SMARCC1: variants seen among roughly 807,000 people sequenced by gnomAD.
The protein encoded by SMARCC1 is SWI/SNF related BAF chromatin remodeling complex subunit C1, also known as SWI/SNF complex subunit SMARCC1.
In SMARCC1, 43 loss-of-function variants were observed where a neutral mutation model predicts 147.4. The observed-to-expected ratio is 0.29, with a 90% confidence interval of 0.23 to 0.38. SMARCC1 has a LOEUF of 0.38. SMARCC1 is among the 10% of genes least tolerant of loss of function. The pLI, the probability that SMARCC1 is intolerant of heterozygous loss-of-function variation, is 1.00. For synonymous variants in SMARCC1, 495 were observed against 484.4 expected, an observed-to-expected ratio of 1.02 and a Z score of -0.29; for missense variants, 1,119 against 1,381.1, an observed-to-expected ratio of 0.81 and a Z score of 3.01.
chr3:47,706,388 GAATCATGT>G lies in SMARCC1; in HGVS notation c.1040+13_1040+20del, dbSNP rs1403316239. 1 of 1,514,672 alleles carries G rather than the reference GAATCATGT, an allele frequency of 6.6e-7. No homozygotes were observed. Among genetic ancestry groups the G allele is most frequent in the African/African-American group, 1.4e-5 (1 of 69,616 alleles). The allele number at this position is 1,514,672 out of a possible 1,614,324, so 93.8% of individuals were successfully genotyped here. A position where few individuals can be genotyped will look rare whatever the true frequency, so the allele number is the denominator to read the frequency against. On this transcript the variant is annotated intron_variant, in intron 10 of 27. Transcript: ENST00000254480. ...CGTCCGGCCTGTTTTAATGCCCTTT[GAATCATGT>G]AATAGTTCTTACCCTTTCTTCCCAC...
At chr3:47,643,587 A>C (rs2033080724) in intron 21 of SMARCC1, among the ~76,000 whole-genome samples, 1 of 152,212 alleles carries the variant, frequency 6.6e-6, no homozygotes, top group Non-Finnish European at 1.5e-5. Context: ...CCAAGAAAAA[A>C]ATAAAGTCTG....
chr3:47,669,592 T>C (rs576133407), intron 19 of SMARCC1, among the ~76,000 whole-genome samples: 6 of 152,122 alleles, frequency 3.9e-5, no homozygotes, highest in African/African-American at 7.2e-5. Context: ...TCTCTGCGTA[T>C]CACTGATACT....
chr3:47,772,352 C>T (rs2034924635), intron 2 of SMARCC1, among the ~76,000 whole-genome samples: 1 of 152,138 alleles, frequency 6.6e-6, no homozygotes, highest in Non-Finnish European at 1.5e-5. Flanking sequence ...GTGATCAAAC[C>T]ACTGCACTCC....
At chr3:47,730,073 A>G (rs1489051162) in intron 5 of SMARCC1, among the ~76,000 whole-genome samples, 3 of 152,134 alleles carry the variant, frequency 2.0e-5, no homozygotes, top group Admixed American at 2.0e-4. Flanking sequence ...CAGCTATTCA[A>G]GAGGCTGAGG....
chr3:47,668,056 T>C (rs149402648), intron 19 of SMARCC1, among the ~76,000 whole-genome samples: 25 of 152,154 alleles, frequency 1.6e-4, no homozygotes, highest in Non-Finnish European at 3.5e-4. Flanking sequence ...GATACGCATG[T>C]ACATATATAT....
At chr3:47,684,131 T>C (rs1576410699) in intron 14 of SMARCC1, among the ~76,000 whole-genome samples, 1 of 150,736 alleles carries the variant, frequency 6.6e-6, no homozygotes, top group Admixed American at 6.6e-5. Context: ...TCCCAGCTAC[T>C]TGGGAGGCTG....
chr3:47,727,225 C>A (rs1432485906), intron 6 of SMARCC1, among the ~76,000 whole-genome samples: 3 of 149,682 alleles, frequency 2.0e-5, no homozygotes, highest in African/African-American at 7.4e-5. Context: ...AACAAAAAAA[C>A]TGGCCGGGCA....
intron 24 of SMARCC1, among the ~76,000 whole-genome samples, chr3:47,633,465 C>T (rs963404036): frequency 1.3e-5 from 2 of 151,774 alleles, no homozygotes; most frequent in Admixed American, 1.3e-4. Context: ...TGCGAGAGGC[C>T]GGGCATGGTG....
intron 2 of SMARCC1, 130 bp downstream of exon 2, chr3:47,772,686 TA>T: frequency 2.5e-6 from 2 of 795,414 alleles, no homozygotes; most frequent in Non-Finnish European, 3.9e-6. Flanking sequence ...ATTCTATAAC[TA>T]AAATTTGTTT....
chr3:47,777,056 G>A (rs897956837), intron 1 of SMARCC1, among the ~76,000 whole-genome samples: 2 of 151,308 alleles, frequency 1.3e-5, no homozygotes, highest in African/African-American at 4.9e-5. Context: ...TTATAGGCGT[G>A]AGCCACTACA....
At chr3:47,765,211 A>C (rs2034822276) in intron 2 of SMARCC1, among the ~76,000 whole-genome samples, 1 of 151,404 alleles carries the variant, frequency 6.6e-6, no homozygotes, top group South Asian at 2.1e-4. Context: ...AGATCGTGCC[A>C]TTGCACGCCA....
intron 10 of SMARCC1, among the ~76,000 whole-genome samples, chr3:47,704,912 G>A (rs1381223596): frequency 1.4e-5 from 2 of 145,106 alleles, no homozygotes; most frequent in East Asian, 4.0e-4. Context: ...GCAAGACCCT[G>A]TCTCAAAAAA....
chr3:47,594,963 C>G (rs1007488722), intron 26 of SMARCC1, among the ~76,000 whole-genome samples: 4 of 152,224 alleles, frequency 2.6e-5, no homozygotes, highest in African/African-American at 9.6e-5. Flanking sequence ...CTCCTCTATT[C>G]TCCATCTCTG....
rs1466044189 is a variant in SMARCC1 at position 47,693,273 on chromosome 3, G to A, written c.1193C>T (p.Thr398Ile). The change falls in exon 12 of 28, where the codon ACA (threonine) becomes ATA (isoleucine). Residue 398 changes from threonine to isoleucine, a missense_variant. Coordinates refer to ENST00000254480, the MANE Select transcript of SMARCC1 (RefSeq NM_003074.4). ...NVNLKKDSENTPVKGGTVADL... is the reference protein window; with the variant it reads ...NVNLKKDSENIPVKGGTVADL... ...CGCTACAGTTCCTCCTTTAACAGGT[G>A]TATTTTCACTATCTTTCTTTAGGTT... 4 of 1,590,922 alleles carry A rather than the reference G, an allele frequency of 2.5e-6. No homozygotes were observed. Among genetic ancestry groups the A allele is most frequent in the Non-Finnish European group, 2.6e-6 (3 of 1,159,094 alleles).
chr3:47,600,565 A>G (rs958757794), intron 26 of SMARCC1, among the ~76,000 whole-genome samples: 10 of 152,184 alleles, frequency 6.6e-5, no homozygotes, highest in Non-Finnish European at 1.5e-4. Flanking sequence ...AATGAACAAG[A>G]GACTGAGCTG....
chr3:47,767,981 G>A (rs935763249), intron 2 of SMARCC1, among the ~76,000 whole-genome samples: 4 of 151,588 alleles, frequency 2.6e-5, no homozygotes, highest in South Asian at 2.1e-4. Context: ...GCCTACAAGC[G>A]TGCAGGCACC....
At chr3:47,690,937 G>A (rs2033782327) in intron 12 of SMARCC1, among the ~76,000 whole-genome samples, 1 of 152,174 alleles carries the variant, frequency 6.6e-6, no homozygotes, top group Non-Finnish European at 1.5e-5. Context: ...AGGTAAGGCT[G>A]CCAAAAACAA....
intron 19 of SMARCC1, among the ~76,000 whole-genome samples, chr3:47,668,766 T>C (rs2033455731): frequency 6.6e-6 from 1 of 151,946 alleles, no homozygotes; most frequent in Non-Finnish European, 1.5e-5. Context: ...ACACCTGTAG[T>C]CCCAGCTACT....
chr3:47,606,794 A>G (rs2032483577), intron 26 of SMARCC1, among the ~76,000 whole-genome samples: 1 of 152,002 alleles, frequency 6.6e-6, no homozygotes, highest in Non-Finnish European at 1.5e-5. Flanking sequence ...TGCAATCTCA[A>G]ACTCCTGGGC....
Sources: allele counts gnomAD v4.1 joint callset (sites outside exome capture counted in the v4.1 genomes callset), GRCh38; gene constraint gnomAD v4.1.1; transcripts MANE v1.5; gene names NCBI Gene and HGNC (gene_info 2026-07-23, HGNC 2026-07-21).